The following MORF4L1 variants were observed in gnomAD, a reference collection of about 807,000 sequenced individuals.
MORF4L1 encodes the protein mortality factor 4-like protein 1.
MORF4L1 carries 4 observed loss-of-function variants against 52.9 expected under a neutral mutation model. The ratio of observed to expected loss-of-function variants is 0.08; its 90% CI spans 0.04 to 0.17. The LOEUF (loss-of-function observed/expected upper bound fraction) is 0.17. Among genes scored for constraint, MORF4L1 ranks in the 10% least tolerant of loss-of-function variants. The pLI is 1.00. For synonymous variants in MORF4L1, 123 were observed against 134.8 expected (o/e 0.91, Z 0.61); for missense variants, 214 against 390.4 (o/e 0.55, Z 3.81).
chr15:78,879,806 C>T (rs891004062), intron 2 of MORF4L1, among the ~76,000 whole-genome samples: 24 of 151,664 alleles, frequency 1.6e-4, no homozygotes, highest in African/African-American at 5.6e-4. Context: ...TCCTGTTAAT[C>T]GTTTTTATCC....
At position 78,886,812 on chromosome 15, in the gene MORF4L1, G is replaced by A. The variant is rs550652904; in HGVS notation, c.243-457G>A. The stretch of plus-strand genomic sequence containing the variant: ...CTACTAAAAATTCAAAAAATTAGCC[G>A]GGCATGGTGGCGGGCGCCTGTAGTC... On this transcript the variant is annotated intron_variant, in intron 4 of 11. Coordinates refer to ENST00000426013, the MANE Select transcript of MORF4L1 (RefSeq NM_006791.4). Among the ~76,000 whole-genome samples, 18 of 152,132 alleles carry A rather than the reference G, an allele frequency of 1.2e-4. No individual in the cohort carries two copies. In the East Asian group the frequency reaches 3.3e-3, roughly 28 times the overall value.
At chr15:78,886,309 G>A (rs986531533) in intron 4 of MORF4L1, 82 bp downstream of exon 4, 5 of 1,212,774 alleles carry the variant, frequency 4.1e-6, no homozygotes, top group Admixed American at 3.5e-5. Context: ...TGGAGATCAT[G>A]TTGGCTGCCC....
intron 1 of MORF4L1, among the ~76,000 whole-genome samples, chr15:78,874,422 T>C (rs2056438880): frequency 6.6e-6 from 1 of 152,098 alleles, no homozygotes; most frequent in African/African-American, 2.4e-5. Context: ...ACCCAGGCTG[T>C]AGTGCAGTGA....
intron 3 of MORF4L1, among the ~76,000 whole-genome samples, chr15:78,881,619 G>A (rs1172016190): frequency 6.6e-6 from 1 of 152,090 alleles, no homozygotes; most frequent in Non-Finnish European, 1.5e-5. Context: ...TCAGTGATGG[G>A]ACTTTTCTCC....
chr15:78,886,578 C>T (rs553626917), intron 4 of MORF4L1, among the ~76,000 whole-genome samples: 2 of 152,232 alleles, frequency 1.3e-5, no homozygotes, highest in Admixed American at 1.3e-4. Context: ...TTCTGCTTTT[C>T]ATCTCTGAAA....
intron 1 of MORF4L1, chr15:78,874,045 G>A (rs1401637521): frequency 6.6e-6 from 1 of 152,188 alleles, no homozygotes; most frequent in Non-Finnish European, 1.5e-5. Context: ...CATGAGTTTT[G>A]GGTAAGGTTA....
At chr15:78,873,343 C>T (rs1567293844) in intron 1 of MORF4L1, 5 of 848,092 alleles carry the variant, frequency 5.9e-6, no homozygotes, top group African/African-American at 3.7e-5. Context: ...AGGAAGAGGG[C>T]GCGGAGAGAG....
intron 1 of MORF4L1, among the ~76,000 whole-genome samples, chr15:78,875,780 C>T (rs1219017958): frequency 5.0e-5 from 1 of 20,076 alleles, no homozygotes; most frequent in Non-Finnish European, 1.2e-4. Context: ...AGTGAGACTC[C>T]ATTTCAAAAA....
intron 3 of MORF4L1, among the ~76,000 whole-genome samples, chr15:78,882,737 A>C (rs950160479): frequency 6.6e-6 from 1 of 152,116 alleles, no homozygotes; most frequent in Non-Finnish European, 1.5e-5. Flanking sequence ...ACACAAAGCA[A>C]ATTTATGGTT....
chr15:78,890,952 G>A, intron 5 of MORF4L1, 37 bp from the exon 6 acceptor site: 1 of 1,407,472 alleles, frequency 7.1e-7, no homozygotes, highest in Non-Finnish European at 9.4e-7. Flanking sequence ...CAGTTTTACT[G>A]GAAATAATTA....
intron 1 of MORF4L1, chr15:78,873,770 C>A (rs1262554973): frequency 6.6e-6 from 1 of 152,662 alleles, no homozygotes; most frequent in African/African-American, 2.4e-5. Context: ...TGAGCGTTTT[C>A]CTCCGCTTTG....
At chr15:78,873,231 G>A in intron 1 of MORF4L1, 174 bp downstream of exon 1, 1 of 1,511,036 alleles carries the variant, frequency 6.6e-7, no homozygotes, top group Admixed American at 2.6e-5. Flanking sequence ...GCGTCATTGT[G>A]AGAAAGCGCT....
intron 8 of MORF4L1, 47 bp downstream of exon 8, chr15:78,892,360 T>TG: frequency 1.4e-6 from 2 of 1,398,106 alleles, no homozygotes; most frequent in Non-Finnish European, 2.0e-6. Flanking sequence ...GATACATTCT[T>TG]GCTAGCAAAA....
chr15:78,876,475 C>G (rs1351594995), intron 1 of MORF4L1: 4 of 454,626 alleles, frequency 8.8e-6, no homozygotes, highest in Non-Finnish European at 1.8e-5. Context: ...CCTCAGCTAG[C>G]TGTATATTTT....
intron 3 of MORF4L1, among the ~76,000 whole-genome samples, chr15:78,882,911 A>C (rs79469963): frequency 1.6e-3 from 242 of 152,230 alleles, no homozygotes; most frequent in Non-Finnish European, 2.8e-3. Flanking sequence ...TAAGCAAATA[A>C]AAATTTTAAA....
intron 3 of MORF4L1, chr15:78,885,159 T>C: frequency 8.3e-7 from 1 of 1,199,884 alleles, no homozygotes; most frequent in Admixed American, 2.2e-5. Context: ...CTTGGCTGTA[T>C]TATATAAGAG....
At chr15:78,879,472 G>A (rs532704135) in intron 2 of MORF4L1, among the ~76,000 whole-genome samples, 8 of 140,064 alleles carry the variant, frequency 5.7e-5, no homozygotes, top group Admixed American at 1.4e-4. Flanking sequence ...CACCTGCCTC[G>A]GCCTCCCAAA....
intron 1 of MORF4L1, among the ~76,000 whole-genome samples, chr15:78,874,386 T>C (rs968558822): frequency 1.3e-5 from 2 of 152,068 alleles, no homozygotes; most frequent in African/African-American, 4.8e-5. Context: ...ACTTTTTTTG[T>C]TTGTATTTTT....
intron 1 of MORF4L1, chr15:78,877,968 A>T (rs1742926974): frequency 2.5e-6 from 1 of 402,976 alleles, no homozygotes; most frequent in South Asian, 5.8e-5. Flanking sequence ...CAGGTGATAG[A>T]TGATTTGATT....
Sources: gnomAD v4.1 joint callset for allele counts (sites outside exome capture counted in the v4.1 genomes callset) on GRCh38, gnomAD v4.1.1 for gene constraint, MANE v1.5 for transcripts, NCBI Gene and HGNC (gene_info 2026-07-23, HGNC 2026-07-21) for gene names.